Variants in CHCHD3 observed in about 807,000 individuals in gnomAD.
CHCHD3 encodes coiled-coil-helix-coiled-coil-helix domain containing 3, also known as MICOS complex subunit MIC19.
CHCHD3 carries 20 observed loss-of-function variants against 38.2 expected under a neutral mutation model. The ratio of observed to expected loss-of-function variants is 0.52; its 90% CI spans 0.37 to 0.76. The LOEUF (loss-of-function observed/expected upper bound fraction) is 0.76. CHCHD3 is among the 30% of genes least tolerant of loss of function. The pLI is 0.00. For synonymous variants in CHCHD3, 82 were observed against 100.0 expected, an observed-to-expected ratio of 0.82 and a Z score of 1.07; for missense variants, 245 against 279.2, an observed-to-expected ratio of 0.88 and a Z score of 0.87.
intron 4 of CHCHD3, among the ~76,000 whole-genome samples, chr7:132,967,959 C>T (rs748625118): frequency 1.3e-5 from 2 of 152,110 alleles, no homozygotes; most frequent in Non-Finnish European, 2.9e-5. Flanking sequence ...AATCTGTAAT[C>T]GCAGTCCTAT....
chr7:132,793,927 CAG>C (rs1346650388), intron 7 of CHCHD3, among the ~76,000 whole-genome samples: 14 of 152,342 alleles, frequency 9.2e-5, no homozygotes, highest in African/African-American at 3.1e-4. Flanking sequence ...AGTCTCTTAA[CAG>C]GGGCACAGCT....
At chr7:132,855,193 A>G (rs1011675001) in intron 5 of CHCHD3, among the ~76,000 whole-genome samples, 1 of 152,228 alleles carries the variant, frequency 6.6e-6, no homozygotes, top group Non-Finnish European at 1.5e-5. Context: ...TAGTTCTTTC[A>G]GTACAAAGCA....
At chr7:133,044,656 C>T (rs995546026) in intron 2 of CHCHD3, among the ~76,000 whole-genome samples, 6 of 152,200 alleles carry the variant, frequency 3.9e-5, no homozygotes, top group African/African-American at 1.2e-4. Flanking sequence ...AGGCCAAAAG[C>T]TTTTGCAAGC....
At chr7:132,787,179 A>AAG (rs1172729299) in intron 7 of CHCHD3, among the ~76,000 whole-genome samples, 1 of 152,198 alleles carries the variant, frequency 6.6e-6, no homozygotes, top group East Asian at 1.9e-4. Flanking sequence ...AGGACTGACC[A>AAG]AGAGAAAGGG....
chr7:132,869,596 C>T (rs1329323943), intron 5 of CHCHD3, among the ~76,000 whole-genome samples: 1 of 152,138 alleles, frequency 6.6e-6, no homozygotes, highest in African/African-American at 2.4e-5. Flanking sequence ...CCCTCCATGA[C>T]TTGCTTTAGA....
In CHCHD3 at chr7:133,035,257, C is replaced by T; in HGVS notation, c.170-10630G>A. On this transcript the variant is annotated intron_variant, in intron 2 of 7. Transcript: ENST00000262570. The surrounding 1 kb of genome is among the most constrained non-coding windows in gnomAD (Gnocchi z 4.7). ...GTGTCCTTTTTAGGCTGGGTCTCTG[C>T]AAACTTTTTAGCATCAAACTGGGCC... 6.2e-7 allele frequency: 1 copy of T among 1,613,690 alleles called. No individual in the cohort carries two copies. Among genetic ancestry groups the T allele is most frequent in the Non-Finnish European group, 8.5e-7 (1 of 1,179,668 alleles).
rs140965195 is a variant in CHCHD3 at position 132,892,874 on chromosome 7, T to G, written c.370-7129A>C. Among the ~76,000 whole-genome samples, 1,004 of 152,318 alleles carry G rather than the reference T, an allele frequency of 6.6e-3. 11 individuals are homozygous for G. Among genetic ancestry groups the G allele is most frequent in the African/African-American group, 0.022 (932 of 41,560 alleles). ...GAATTGAGGTTTGCGAACCTCCACC[T>G]AGATTTCAGAGGATGTATGGAAAAG... On this transcript the variant is annotated intron_variant, in intron 4 of 7. Transcript: ENST00000262570.
At chr7:132,857,014 G>C (rs1022573590) in intron 5 of CHCHD3, among the ~76,000 whole-genome samples, 2 of 152,190 alleles carry the variant, frequency 1.3e-5, no homozygotes, top group African/African-American at 4.8e-5. Context: ...TTTTGGTTTA[G>C]TGAGGAGCTG....
chr7:133,070,180 G>A lies in CHCHD3; in HGVS notation c.131C>T (p.Ser44Leu), dbSNP rs777872331. 1.4e-5 allele frequency: 22 copies of A among 1,612,880 alleles called. No individual in the cohort carries two copies. Among genetic ancestry groups the A allele is most frequent in the East Asian group, 2.2e-5 (1 of 44,870 alleles). ...DRMKESSPSG[S>L]KSQRYSGAYG... ...AGCACCAGAATACCGCTGAGACTTCGAACCAGATGGAGAGGATTCCTTCAT... is the reference window on the plus strand; with the variant it reads ...AGCACCAGAATACCGCTGAGACTTCAAACCAGATGGAGAGGATTCCTTCAT... Residue 44 changes from serine (S) to leucine (L), a missense_variant, in exon 2 of 8, where the codon TCG becomes TTG. By Grantham distance (145) the Ser-to-Leu change is moderately radical. Transcript: ENST00000262570.
chr7:133,071,806 A>G (rs1814825531), intron 1 of CHCHD3, among the ~76,000 whole-genome samples: 1 of 152,210 alleles, frequency 6.6e-6, no homozygotes, highest in South Asian at 2.1e-4. Flanking sequence ...TACCGTACAG[A>G]TAGACCTAAA....
intron 6 of CHCHD3, among the ~76,000 whole-genome samples, chr7:132,800,814 G>A (rs932964537): frequency 6.6e-6 from 1 of 151,952 alleles, no homozygotes; most frequent in African/African-American, 2.4e-5. Context: ...AAGAAGGAGG[G>A]AGAGAGAAAA....
intron 4 of CHCHD3, among the ~76,000 whole-genome samples, chr7:132,891,709 A>G (rs1721296136): frequency 6.6e-6 from 1 of 152,204 alleles, no homozygotes; most frequent in South Asian, 2.1e-4. Flanking sequence ...CCCAAATCTT[A>G]TCTTGAACTG....
At chr7:132,890,352 A>G (rs908285349) in intron 4 of CHCHD3, among the ~76,000 whole-genome samples, 22 of 152,220 alleles carry the variant, frequency 1.4e-4, no homozygotes, top group African/African-American at 5.3e-4. Context: ...GATTATGAAT[A>G]TAACATACTG....
intron 3 of CHCHD3, among the ~76,000 whole-genome samples, chr7:133,017,186 C>G (rs1354484296): frequency 1.3e-5 from 2 of 152,186 alleles, no homozygotes; most frequent in African/African-American, 4.8e-5. Flanking sequence ...ATCAGCTTTA[C>G]TTTGGGTTCC....
chr7:133,033,868 C>T (rs1298070616), intron 2 of CHCHD3, among the ~76,000 whole-genome samples: 1 of 151,806 alleles, frequency 6.6e-6, no homozygotes, highest in Non-Finnish European at 1.5e-5. Flanking sequence ...CTCCTGATGT[C>T]CTAGAGGGAT....
intron 2 of CHCHD3, among the ~76,000 whole-genome samples, chr7:133,025,649 C>T (rs1813315656): frequency 1.3e-5 from 2 of 152,198 alleles, no homozygotes; most frequent in Non-Finnish European, 2.9e-5. Context: ...GGATTACAGA[C>T]ATGTGCCACC....
At chr7:132,973,084 T>C (rs1480789327) in intron 4 of CHCHD3, 1 of 985,288 alleles carries the variant, frequency 1.0e-6, no homozygotes, top group African/African-American at 1.7e-5. Context: ...TGTGTATATA[T>C]TTAATGAGTT....
intron 6 of CHCHD3, among the ~76,000 whole-genome samples, chr7:132,798,440 G>A (rs548788898): frequency 6.6e-6 from 1 of 152,192 alleles, no homozygotes; most frequent in African/African-American, 2.4e-5. Flanking sequence ...GCTTCAAAGA[G>A]TATAGGCACA....
intron 2 of CHCHD3, among the ~76,000 whole-genome samples, chr7:133,048,509 A>G (rs1814060974): frequency 6.6e-6 from 1 of 152,172 alleles, no homozygotes; most frequent in Non-Finnish European, 1.5e-5. Flanking sequence ...AGAAGTGAGG[A>G]GAAGGGTGAC....
Sources: gnomAD v4.1 joint callset for allele counts (sites outside exome capture counted in the v4.1 genomes callset) on GRCh38, gnomAD v4.1.1 for gene constraint, Gnocchi (gnomAD v3.1) non-coding constraint, MANE v1.5 for transcripts, NCBI Gene and HGNC (gene_info 2026-07-23, HGNC 2026-07-21) for gene names.